The following TAFA1 variants were observed in gnomAD, a reference collection of about 807,000 sequenced individuals.
TAFA1 encodes chemokine-like protein TAFA-1.
A neutral mutation model predicts 18.5 loss-of-function variants in TAFA1; 4 were observed. The ratio of observed to expected loss-of-function variants is 0.22; its 90% CI spans 0.11 to 0.49. The LOEUF (loss-of-function observed/expected upper bound fraction) is 0.49. Ranked by LOEUF, TAFA1 falls within the 20% of genes least tolerant of loss-of-function variation. The pLI is 0.98. For missense variants in TAFA1, 147 were observed against 169.0 expected (o/e 0.87, Z 0.72); for synonymous variants, 56 against 55.2 (o/e 1.01, Z -0.06).
intron 2 of TAFA1, among the ~76,000 whole-genome samples, chr3:68,160,792 C>T (rs984892874): frequency 1.3e-5 from 2 of 152,160 alleles, no homozygotes; most frequent in African/African-American, 2.4e-5. Context: ...TATCTGAACT[C>T]GACCTCCAAT....
chr3:68,506,377 T>G (rs1007016408), intron 3 of TAFA1, among the ~76,000 whole-genome samples: 2 of 152,116 alleles, frequency 1.3e-5, no homozygotes, highest in Admixed American at 1.3e-4. Context: ...TTCTTAAAAC[T>G]GACTCACAGG....
At chr3:68,487,117 C>G (rs1321898291) in intron 3 of TAFA1, among the ~76,000 whole-genome samples, 8 of 152,124 alleles carry the variant, frequency 5.3e-5, no homozygotes, top group African/African-American at 1.9e-4. Context: ...TTTGAAACAT[C>G]AGAATTTAAT....
intron 2 of TAFA1, among the ~76,000 whole-genome samples, chr3:68,087,948 G>C (rs2064990429): frequency 6.6e-6 from 1 of 151,886 alleles, no homozygotes. Context: ...AGCTGATACT[G>C]TGTGCCAGGT....
At chr3:68,370,361 C>T (rs1385923741) in intron 2 of TAFA1, among the ~76,000 whole-genome samples, 33 of 57,094 alleles carry the variant, frequency 5.8e-4, no homozygotes, top group African/African-American at 1.9e-3. Flanking sequence ...TATACACACA[C>T]ACACACATAT....
At chr3:68,380,229 C>T (rs186458176) in intron 2 of TAFA1, among the ~76,000 whole-genome samples, 6 of 151,934 alleles carry the variant, frequency 3.9e-5, no homozygotes, top group Admixed American at 2.0e-4. Flanking sequence ...AATAAACATA[C>T]GCGTGCATGT....
At chr3:68,201,058 T>C (rs980505938) in intron 2 of TAFA1, among the ~76,000 whole-genome samples, 1 of 151,632 alleles carries the variant, frequency 6.6e-6, no homozygotes, top group East Asian at 1.9e-4. Context: ...ACAATTTTGG[T>C]AAGTTGTGTT....
chr3:68,037,344 T>G (rs376511854), intron 2 of TAFA1, among the ~76,000 whole-genome samples: 107 of 152,236 alleles, frequency 7.0e-4, no homozygotes, highest in African/African-American at 2.5e-3. Flanking sequence ...GCCTTGTGTA[T>G]CATGTCGAAG....
intron 4 of TAFA1, 54 bp downstream of exon 4, chr3:68,538,934 G>A: frequency 6.3e-7 from 1 of 1,589,750 alleles, no homozygotes; most frequent in Admixed American, 1.7e-5. Flanking sequence ...TACTATTTGA[G>A]TTTGTGCTGT....
intron 2 of TAFA1, among the ~76,000 whole-genome samples, chr3:68,050,600 T>C (rs1422938826): frequency 6.6e-6 from 1 of 152,164 alleles, no homozygotes; most frequent in Non-Finnish European, 1.5e-5. Context: ...CCTTTCCTAT[T>C]GTCCTCAGCA....
intron 2 of TAFA1, among the ~76,000 whole-genome samples, chr3:68,184,247 A>G (rs1057415741): frequency 2.6e-5 from 4 of 152,170 alleles, no homozygotes; most frequent in African/African-American, 9.6e-5. Flanking sequence ...GATGATTGAC[A>G]GAGGATGGAT....
At chr3:68,116,408 A>G (rs1483810563) in intron 2 of TAFA1, among the ~76,000 whole-genome samples, 1 of 152,220 alleles carries the variant, frequency 6.6e-6, no homozygotes, top group Non-Finnish European at 1.5e-5. Context: ...CACGCTACTT[A>G]TAATGCACAT....
chr3:68,338,869 C>T (rs1016666628), intron 2 of TAFA1, among the ~76,000 whole-genome samples: 1 of 152,180 alleles, frequency 6.6e-6, no homozygotes, highest in Non-Finnish European at 1.5e-5. Context: ...GGAGCTTGAT[C>T]TAAGCAAGGC....
intron 3 of TAFA1, among the ~76,000 whole-genome samples, chr3:68,508,327 C>T (rs1015924217): frequency 3.3e-5 from 5 of 151,918 alleles, no homozygotes; most frequent in Non-Finnish European, 7.4e-5. Flanking sequence ...GGGACATAAA[C>T]ATGCAGTCCA....
chr3:68,187,238 T>G (rs1265742043), intron 2 of TAFA1, among the ~76,000 whole-genome samples: 3 of 151,978 alleles, frequency 2.0e-5, no homozygotes, highest in African/African-American at 4.8e-5. Flanking sequence ...CTTTTTGTGT[T>G]TAGGGGAGTA....
At position 68,343,830 on chromosome 3, in the gene TAFA1, G is replaced by A. The variant is rs528352599; in HGVS notation, c.119-73450G>A. On this transcript the variant is annotated intron_variant, in intron 2 of 4. Transcript: ENST00000478136. ...TGTCCAATCTGATTCTGACATTTAA[G>A]AAGTGTGCAGCAATATTATTATCAA... Among the ~76,000 whole-genome samples, 36 of 152,264 alleles carry A rather than the reference G, an allele frequency of 2.4e-4. 1 individual carries two copies. The highest frequency in any genetic ancestry group is 8.7e-4 in the African/African-American group (36 of 41,562).
At chr3:68,076,510 A>G (rs1187204938) in intron 2 of TAFA1, among the ~76,000 whole-genome samples, 2 of 124,074 alleles carry the variant, frequency 1.6e-5, no homozygotes, top group East Asian at 2.5e-4. Flanking sequence ...TCCTGTGTCC[A>G]TGCGATCTCA....
intron 3 of TAFA1, among the ~76,000 whole-genome samples, chr3:68,453,330 CAAAATGACAA>C (rs1167399591): frequency 1.3e-5 from 2 of 152,060 alleles, no homozygotes; most frequent in African/African-American, 4.8e-5. Flanking sequence ...AGCATGTTTC[CAAAATGACAA>C]AAATGGTGCA....
chr3:68,471,207 T>C (rs542821454), intron 3 of TAFA1, among the ~76,000 whole-genome samples: 1 of 152,350 alleles, frequency 6.6e-6, no homozygotes, highest in East Asian at 1.9e-4. Flanking sequence ...AATGTCTGAA[T>C]GTCCAGGCAG....
intron 2 of TAFA1, among the ~76,000 whole-genome samples, chr3:68,017,637 G>C (rs995428498): frequency 1.3e-5 from 2 of 152,104 alleles, no homozygotes; most frequent in African/African-American, 4.8e-5. Flanking sequence ...AGAAGAAAAT[G>C]ACCTAAGTTT....
Sources: allele counts gnomAD v4.1 joint callset (sites outside exome capture counted in the v4.1 genomes callset), GRCh38; gene constraint gnomAD v4.1.1; transcripts MANE v1.5; gene names NCBI Gene and HGNC (gene_info 2026-07-23, HGNC 2026-07-21).